The following SOX6 variants were observed in gnomAD, a reference collection of about 807,000 sequenced individuals.
The protein encoded by SOX6 is transcription factor SOX-6.
SOX6 carries 11 observed loss-of-function variants against 97.8 expected under a neutral mutation model. That is an observed-to-expected ratio of 0.11 (90% CI 0.07 to 0.19). SOX6 has a LOEUF of 0.19. Ranked by LOEUF, SOX6 falls within the 10% of genes least tolerant of loss-of-function variation. The pLI is 1.00. For synonymous variants in SOX6, 360 were observed against 371.4 expected (o/e 0.97, Z 0.35); for missense variants, 810 against 1,039.5 (o/e 0.78, Z 3.04).
intron 4 of SOX6, among the ~76,000 whole-genome samples, chr11:16,604,690 G>C (rs1190082427): frequency 2.0e-5 from 3 of 152,154 alleles, no homozygotes; most frequent in Non-Finnish European, 4.4e-5. Context: ...AGCAGCCCAG[G>C]ACAGCCCATC....
At chr11:16,423,456 C>T (rs561013341) in intron 1 of SOX6, among the ~76,000 whole-genome samples, 1 of 152,242 alleles carries the variant, frequency 6.6e-6, no homozygotes, top group South Asian at 2.1e-4. Context: ...TTTTGTTTCA[C>T]TTCAATATTC....
intron 3 of SOX6, among the ~76,000 whole-genome samples, chr11:16,651,135 C>A (rs1324002813): frequency 6.6e-6 from 1 of 151,800 alleles, no homozygotes; most frequent in African/African-American, 2.4e-5. Flanking sequence ...TTTAAAACTG[C>A]CTACAAAAAG....
chr11:16,293,353 GA>G (rs1854970893), intron 3 of SOX6, among the ~76,000 whole-genome samples: 1 of 152,138 alleles, frequency 6.6e-6, no homozygotes, highest in East Asian at 1.9e-4. Context: ...GGACATTACA[GA>G]TAGATGAGAA....
At chr11:16,565,321 T>C (rs1402809605) in intron 4 of SOX6, among the ~76,000 whole-genome samples, 1 of 152,134 alleles carries the variant, frequency 6.6e-6, no homozygotes, top group Non-Finnish European at 1.5e-5. Context: ...TATGTTTAAG[T>C]ACCCCCAAAA....
intron 12 of SOX6, among the ~76,000 whole-genome samples, chr11:16,038,732 G>GA (rs999657649): frequency 1.3e-5 from 2 of 151,854 alleles, no homozygotes; most frequent in South Asian, 2.1e-4. Context: ...GAATGAAATT[G>GA]AAAAAAAGTG....
chr11:16,707,178 A>C (rs1848144199), intron 3 of SOX6, among the ~76,000 whole-genome samples: 1 of 152,238 alleles, frequency 6.6e-6, no homozygotes, highest in Non-Finnish European at 1.5e-5. Flanking sequence ...AAATTAAGCA[A>C]AGAAGCAGTG....
chr11:16,540,725 C>T (rs1217565080), intron 4 of SOX6, among the ~76,000 whole-genome samples: 2 of 152,092 alleles, frequency 1.3e-5, no homozygotes, highest in Non-Finnish European at 2.9e-5. Flanking sequence ...TTCACAATTG[C>T]TACAGTGAGA....
intron 2 of SOX6, among the ~76,000 whole-genome samples, chr11:16,735,316 T>A (rs1234723106): frequency 6.6e-6 from 1 of 152,204 alleles, no homozygotes; most frequent in Non-Finnish European, 1.5e-5. Flanking sequence ...TAACCATCAC[T>A]GAATATATGC....
At chr11:16,716,460 A>G (rs1334121652) in intron 2 of SOX6, among the ~76,000 whole-genome samples, 1 of 152,180 alleles carries the variant, frequency 6.6e-6, no homozygotes, top group Non-Finnish European at 1.5e-5. Flanking sequence ...CACATGCTTC[A>G]TATTAGTGAT....
At position 15,968,867 on chromosome 11, in the gene SOX6, C is replaced by T. The variant is rs1001220612; in HGVS notation, c.*3942G>A. The T allele has an allele frequency of 6.6e-6, 1 of 152,116 alleles. No individual in the cohort carries two copies. Among genetic ancestry groups the T allele is most frequent in the Non-Finnish European group, 1.5e-5 (1 of 68,042 alleles). 9.4% of individuals were successfully genotyped at this position (152,116 alleles called of 1,614,324 possible). On this transcript the variant is annotated 3_prime_UTR_variant, in exon 16 of 16. Transcript: ENST00000683767. Reference sequence around the variant, plus strand: ...ATACCTAATGAAGCAAACCGAGGTGCTTCTAAAAGGCTGAGCTGGGTACAC... The same window carrying T: ...ATACCTAATGAAGCAAACCGAGGTGTTTCTAAAAGGCTGAGCTGGGTACAC...
intron 6 of SOX6, among the ~76,000 whole-genome samples, chr11:16,133,933 C>T (rs754118457): frequency 6.6e-6 from 1 of 152,160 alleles, no homozygotes; most frequent in Non-Finnish European, 1.5e-5. Flanking sequence ...GATCTGCCTG[C>T]CTTGGACTCC....
intron 1 of SOX6, among the ~76,000 whole-genome samples, chr11:16,411,283 C>A (rs186039810): frequency 3.8e-4 from 58 of 152,194 alleles, no homozygotes; most frequent in Admixed American, 3.8e-3. Context: ...TCAGTTTTGG[C>A]TTGATTTTAA....
At chr11:16,138,287 T>C (rs1458897464) in intron 6 of SOX6, among the ~76,000 whole-genome samples, 2 of 152,186 alleles carry the variant, frequency 1.3e-5, no homozygotes, top group African/African-American at 4.8e-5. Context: ...ATTTTGCCCC[T>C]TTACAGTCTA....
At position 16,142,121 on chromosome 11, in the gene SOX6, C is replaced by T. The variant is rs528856556; in HGVS notation, c.778-30198G>A. Among the ~76,000 whole-genome samples the T allele has an allele frequency of 2.2e-3, 341 of 152,234 alleles. 3 individuals carry two copies. Among genetic ancestry groups the T allele is most frequent in the African/African-American group, 7.8e-3 (323 of 41,542 alleles). ...CACCCCCAGTAGGGGCAGCCTGACACCTCACATGGCCAGGCACCCCTCTGA... is the reference window on the plus strand; with the variant it reads ...CACCCCCAGTAGGGGCAGCCTGACATCTCACATGGCCAGGCACCCCTCTGA... On this transcript the variant is annotated intron_variant, in intron 6 of 15. Transcript: ENST00000683767.
chr11:16,398,020 A>G (rs2134437172), intron 1 of SOX6, among the ~76,000 whole-genome samples: 1 of 151,670 alleles, frequency 6.6e-6, no homozygotes, highest in East Asian at 1.9e-4. Context: ...CTTATCCTAC[A>G]ATAAATGTCA....
chr11:16,692,881 T>G (rs1308884906), intron 3 of SOX6, among the ~76,000 whole-genome samples: 6 of 152,216 alleles, frequency 3.9e-5, no homozygotes, highest in Non-Finnish European at 5.9e-5. Context: ...TTGCATCATA[T>G]CATAAGCCAC....
chr11:16,098,193 G>C (rs999620955), intron 7 of SOX6, among the ~76,000 whole-genome samples: 8 of 151,708 alleles, frequency 5.3e-5, no homozygotes, highest in Non-Finnish European at 1.2e-4. Flanking sequence ...CAATATGATA[G>C]GGCTGAGAGG....
At chr11:16,234,222 T>C (rs963866073) in intron 4 of SOX6, among the ~76,000 whole-genome samples, 1 of 152,102 alleles carries the variant, frequency 6.6e-6, no homozygotes, top group Non-Finnish European at 1.5e-5. Context: ...TTCAAAATAA[T>C]TTGGATTCAT....
chr11:16,125,299 C>G (rs1229645061), intron 6 of SOX6, among the ~76,000 whole-genome samples: 1 of 151,928 alleles, frequency 6.6e-6, no homozygotes, highest in Non-Finnish European at 1.5e-5. Context: ...ATCAGAGCAG[C>G]TTACTGACAA....
Sources: allele counts gnomAD v4.1 joint callset (sites outside exome capture counted in the v4.1 genomes callset), GRCh38; gene constraint gnomAD v4.1.1; transcripts MANE v1.5; gene names NCBI Gene and HGNC (gene_info 2026-07-23, HGNC 2026-07-21).